The following CNKSR2 variants were observed in gnomAD, a reference collection of about 807,000 sequenced individuals.
CNKSR2 encodes the protein connector enhancer of kinase suppressor of Ras 2, also known as CNK homolog protein 2.
A neutral mutation model predicts 84.4 loss-of-function variants in CNKSR2; 14 were observed. That is an observed-to-expected ratio of 0.17 (90% CI 0.11 to 0.26). The LOEUF (loss-of-function observed/expected upper bound fraction) is 0.26, where lower values mean the gene tolerates loss of function less well. Among genes scored for constraint, CNKSR2 ranks in the 10% least tolerant of loss-of-function variants. CNKSR2 has a pLI of 1.00. For missense variants in CNKSR2, 485 were observed against 771.2 expected, an observed-to-expected ratio of 0.63 and a Z score of 4.40; for synonymous variants, 275 against 277.9, an observed-to-expected ratio of 0.99 and a Z score of 0.10.
intron 1 of CNKSR2, among the ~76,000 whole-genome samples, chrX:21,400,976 T>C (rs969950965): frequency 9.0e-6 from 1 of 111,611 alleles, no homozygotes; most frequent in African/African-American, 3.2e-5. Context: ...TGTTTTGCAG[T>C]GCTAGAAGTA....
At chrX:21,541,624 C>T (rs1465460575) in intron 11 of CNKSR2, among the ~76,000 whole-genome samples, 3 of 111,405 alleles carry the variant, frequency 2.7e-5, no homozygotes, top group African/African-American at 9.8e-5. Flanking sequence ...TCCCAGTTTC[C>T]AAGAACCTAG....
chrX:21,396,457 A>C (rs766652966), intron 1 of CNKSR2, among the ~76,000 whole-genome samples: 77 of 111,213 alleles, frequency 6.9e-4, no homozygotes, highest in African/African-American at 2.3e-3. Context: ...ATGGAGTACA[A>C]GTACAACCTT....
intron 5 of CNKSR2, among the ~76,000 whole-genome samples, chrX:21,471,826 C>G (rs185737039): frequency 9.0e-6 from 1 of 111,187 alleles, no homozygotes; most frequent in East Asian, 2.8e-4. Context: ...CTTATTAGTC[C>G]AGGAGGGAAA....
At chrX:21,414,586 T>C (rs1167885302) in intron 1 of CNKSR2, among the ~76,000 whole-genome samples, 1 of 111,290 alleles carries the variant, frequency 9.0e-6, no homozygotes, top group African/African-American at 3.3e-5. Context: ...TTTGTTCATT[T>C]TTGCTTTGGT....
At chrX:21,541,261 A>T (rs1167097256) in intron 11 of CNKSR2, among the ~76,000 whole-genome samples, 1 of 111,630 alleles carries the variant, frequency 9.0e-6, no homozygotes, top group Non-Finnish European at 1.9e-5. Context: ...GATTACAGGC[A>T]TGAGCCACCA....
intron 5 of CNKSR2, among the ~76,000 whole-genome samples, chrX:21,487,658 G>A (rs760195317): frequency 8.9e-6 from 1 of 112,065 alleles, no homozygotes; most frequent in South Asian, 3.7e-4. Context: ...ACATAGGTAA[G>A]GGAAGGAATA....
chrX:21,546,443 T>G (rs2092026421), intron 11 of CNKSR2, among the ~76,000 whole-genome samples: 1 of 109,939 alleles, frequency 9.1e-6, no homozygotes, highest in Non-Finnish European at 1.9e-5. Flanking sequence ...AAACCCACAT[T>G]TGGTCTTGTT....
intron 6 of CNKSR2, chrX:21,494,439 A>G (rs2091472485): frequency 8.9e-6 from 1 of 112,215 alleles, no homozygotes; most frequent in African/African-American, 3.2e-5. Context: ...ACAGCAAAGG[A>G]GATGTAGCAT....
intron 18 of CNKSR2, among the ~76,000 whole-genome samples, chrX:21,605,925 T>A (rs751999274): frequency 1.8e-5 from 2 of 111,941 alleles, no homozygotes; most frequent in African/African-American, 6.5e-5. Flanking sequence ...ATACTTCAGG[T>A]TTTTTCTTGT....
At chrX:21,521,629 A>G (rs2091785011) in intron 9 of CNKSR2, among the ~76,000 whole-genome samples, 1 of 110,656 alleles carries the variant, frequency 9.0e-6, no homozygotes, top group Non-Finnish European at 1.9e-5. Flanking sequence ...AATGTGCAGT[A>G]TTTCATGATT....
At chrX:21,606,754 C>T (rs772733792) in intron 18 of CNKSR2, 25 bp from the exon 19 acceptor site, 3 of 899,428 alleles carry the variant, frequency 3.3e-6, no homozygotes, top group Non-Finnish European at 4.8e-6. Context: ...AGAATGTTGA[C>T]GTATCCATGT....
chrX:21,521,019 G>C (rs1404782882), intron 9 of CNKSR2, among the ~76,000 whole-genome samples: 1 of 110,011 alleles, frequency 9.1e-6, no homozygotes, highest in East Asian at 2.8e-4. Flanking sequence ...TTTATCAACT[G>C]GTGTAACAAC....
rs746327951 is a variant in CNKSR2 at position 21,394,192 on chromosome X, T to C, written c.64+19231T>C. Among the ~76,000 whole-genome samples the C allele has an allele frequency of 5.3e-5, 6 of 112,170 alleles. No homozygotes were observed. The South Asian group carries it at 2.2e-3, about 41-fold the overall frequency. On this transcript the variant is annotated intron_variant, in intron 1 of 21. Transcript: ENST00000379510. ...CAGAAATGGAATAACATTCTGACAT[T>C]GGCAAAAAAGAATTTATTACTGTAC...
chrX:21,553,534 C>CAA (rs1172014567), intron 11 of CNKSR2, among the ~76,000 whole-genome samples: 1 of 88,438 alleles, frequency 1.1e-5, no homozygotes. Flanking sequence ...GTTTCCATTA[C>CAA]AAAAAAAAAA....
intron 20 of CNKSR2, among the ~76,000 whole-genome samples, chrX:21,637,743 G>A (rs1159791242): frequency 9.0e-6 from 1 of 111,525 alleles, no homozygotes; most frequent in Non-Finnish European, 1.9e-5. Context: ...TCATTTCATG[G>A]TGTTGGATAT....
intron 4 of CNKSR2, among the ~76,000 whole-genome samples, chrX:21,464,131 G>A (rs1312107475): frequency 8.9e-6 from 1 of 112,488 alleles, no homozygotes; most frequent in East Asian, 2.8e-4. Context: ...CTCAAGTTCA[G>A]ATGGCTGGGA....
At chrX:21,409,601 A>G (rs2090314685) in intron 1 of CNKSR2, among the ~76,000 whole-genome samples, 1 of 110,589 alleles carries the variant, frequency 9.0e-6, no homozygotes, top group African/African-American at 3.3e-5. Flanking sequence ...ATTAGAATAC[A>G]TATTTTCAGA....
At chrX:21,627,002 A>G (rs1234906756) in intron 20 of CNKSR2, among the ~76,000 whole-genome samples, 2 of 111,856 alleles carry the variant, frequency 1.8e-5, no homozygotes, top group Admixed American at 9.5e-5. Flanking sequence ...TGTAATATTT[A>G]GGAAGTGACA....
chrX:21,651,212 C>A (rs2092720165), intron 21 of CNKSR2, among the ~76,000 whole-genome samples: 1 of 111,810 alleles, frequency 8.9e-6, no homozygotes, highest in Non-Finnish European at 1.9e-5. Flanking sequence ...TTCTCTGGGA[C>A]CAAGAAAGAT....
Sources: gnomAD v4.1 joint callset for allele counts (sites outside exome capture counted in the v4.1 genomes callset) on GRCh38, gnomAD v4.1.1 for gene constraint, MANE v1.5 for transcripts, NCBI Gene and HGNC (gene_info 2026-07-23, HGNC 2026-07-21) for gene names.